UGT2B4: variants seen among roughly 807,000 people sequenced by gnomAD.
UGT2B4 encodes the protein UDP-glucuronosyltransferase 2B4.
A neutral mutation model predicts 49.8 loss-of-function variants in UGT2B4; 49 were observed. The observed-to-expected ratio is 0.98, with a 90% confidence interval of 0.78 to 1.25. The LOEUF is 1.25. Among genes scored for constraint, UGT2B4 ranks in the 50% most tolerant of loss-of-function variants. The pLI, the probability that UGT2B4 is intolerant of heterozygous loss-of-function variation, is 0.00. For missense variants in UGT2B4, 729 were observed against 627.7 expected (o/e 1.16, Z -1.73); for synonymous variants, 246 against 217.7 (o/e 1.13, Z -1.14).
chr4:69,494,445 T>A (rs1333755563), intron 1 of UGT2B4, among the ~76,000 whole-genome samples: 1 of 152,170 alleles, frequency 6.6e-6, no homozygotes, highest in Non-Finnish European at 1.5e-5. Flanking sequence ...AACAGAAATT[T>A]GCATTCAACC....
chr4:69,496,805 T>C (rs768228111), upstream of UGT2B4, among the ~76,000 whole-genome samples: 23 of 152,190 alleles, frequency 1.5e-4, no homozygotes, highest in Non-Finnish European at 3.1e-4. Flanking sequence ...GCTGGCTTAT[T>C]TTACTTAGCA....
chr4:69,525,014 T>C (rs1162267621), intron 1 of UGT2B4, among the ~76,000 whole-genome samples: 1 of 152,216 alleles, frequency 6.6e-6, no homozygotes, highest in Non-Finnish European at 1.5e-5. Context: ...GATTAAATTG[T>C]GTGCCAGAGA....
In UGT2B4 at chr4:69,485,079, T is replaced by C. The variant is rs1258269636; in HGVS notation, c.1310+129A>G. The C allele has an allele frequency of 2.6e-6, 3 of 1,163,084 alleles. No homozygotes were observed. The Admixed American group carries it at 8.6e-5, about 33-fold the overall frequency. The allele number at this position is 1,163,084 out of a possible 1,614,324, so 72.0% of individuals were successfully genotyped here. On this transcript the variant is annotated intron_variant, in intron 5 of 5. Transcript: ENST00000305107. Reference sequence around the variant, plus strand: ...ATAACCACTCAAAAATAAAAGCAGATTTCAGATTGTTTAAATCACTTAAAT... The same window carrying C: ...ATAACCACTCAAAAATAAAAGCAGACTTCAGATTGTTTAAATCACTTAAAT...
At position 69,485,111 on chromosome 4, in the gene UGT2B4, G is replaced by A. The variant is rs528474342; in HGVS notation, c.1310+97C>T. ...TTGTTTAAATCACTTAAATTCTTTC[G>A]AAATCAGTCGCTTATAAAAAGGATA... On this transcript the variant is annotated intron_variant, in intron 5 of 5. Coordinates refer to ENST00000305107, the MANE Select transcript of UGT2B4 (RefSeq NM_021139.3). 5.6e-4 allele frequency: 787 copies of A among 1,410,574 alleles called. No homozygotes were observed. The Middle Eastern group carries it at 6.5e-3, about 12-fold the overall frequency. 87.4% of individuals were successfully genotyped at this position (1,410,574 alleles called of 1,614,324 possible).
upstream of UGT2B4, among the ~76,000 whole-genome samples, chr4:69,498,426 T>C (rs371958153): frequency 2.0e-4 from 31 of 152,048 alleles, no homozygotes; most frequent in African/African-American, 6.3e-4. Context: ...GATACTTGCA[T>C]TGGGACTAAT....
chr4:69,511,914 A>G (rs1467577968), intron 1 of UGT2B4, among the ~76,000 whole-genome samples: 4 of 151,928 alleles, frequency 2.6e-5, no homozygotes. Flanking sequence ...GAATATATCA[A>G]TTTCTTCTAC....
chr4:69,487,705 C>T (rs1209760042), intron 3 of UGT2B4, among the ~76,000 whole-genome samples: 1 of 151,956 alleles, frequency 6.6e-6, no homozygotes, highest in Non-Finnish European at 1.5e-5. Flanking sequence ...ATAAGTTTAC[C>T]TGTGTAACAA....
chr4:69,509,370 C>T (rs1728553530), intron 1 of UGT2B4, among the ~76,000 whole-genome samples: 1 of 152,062 alleles, frequency 6.6e-6, no homozygotes, highest in Admixed American at 6.5e-5. Flanking sequence ...ATGGGGTTCA[C>T]CATGTGGAAG....
chr4:69,483,092 T>A (rs1423266698), intron 5 of UGT2B4, among the ~76,000 whole-genome samples: 1 of 152,180 alleles, frequency 6.6e-6, no homozygotes, highest in Non-Finnish European at 1.5e-5. Flanking sequence ...GAGAGTGGAA[T>A]TGTTGAAATA....
intron 1 of UGT2B4, 131 bp downstream of exon 1, chr4:69,495,010 T>G: frequency 1.2e-6 from 1 of 843,056 alleles, no homozygotes; most frequent in East Asian, 2.9e-5. Flanking sequence ...TGGTAGATCA[T>G]CTTACAATTT....
intron 1 of UGT2B4, 149 bp from the exon 2 acceptor site, chr4:69,493,990 T>G: frequency 1.2e-6 from 1 of 860,178 alleles, no homozygotes. Flanking sequence ...ATAGGCATAA[T>G]TTAATTTTTA....
chr4:69,486,403 C>T (rs1337502292), intron 4 of UGT2B4, among the ~76,000 whole-genome samples: 3 of 152,074 alleles, frequency 2.0e-5, no homozygotes, highest in Non-Finnish European at 1.5e-5. Context: ...GATACTCTGA[C>T]TCTGATTGTA....
At chr4:69,511,009 A>C (rs1200300672) in intron 1 of UGT2B4, among the ~76,000 whole-genome samples, 1 of 79,360 alleles carries the variant, frequency 1.3e-5, no homozygotes. Context: ...TTTTTTTTTG[A>C]GACAGTCTCG....
At chr4:69,511,837 T>C (rs1316145178) in intron 1 of UGT2B4, among the ~76,000 whole-genome samples, 1 of 152,128 alleles carries the variant, frequency 6.6e-6, no homozygotes, top group Non-Finnish European at 1.5e-5. Flanking sequence ...ATCTCCTTAT[T>C]CATTATTGTT....
rs370531105 is a variant in UGT2B4 at position 69,495,328 on chromosome 4, G to A, written c.534C>T (p.Tyr178=). ...FVYSLRFSPG[Y]AIEKHSGGLL... Reference sequence around the variant, plus strand: ...GTCCTCCACTATGCTTTTCAATTGCGTAGCCAGGAGAGAAGCGGAGGCTGT... The same window carrying A: ...GTCCTCCACTATGCTTTTCAATTGCATAGCCAGGAGAGAAGCGGAGGCTGT... Residue 178 remains tyrosine, a synonymous_variant, in exon 1 of 6, where the codon TAC becomes TAT. Transcript: ENST00000305107. The A allele has an allele frequency of 1.9e-5, 30 of 1,612,686 alleles. No homozygotes were observed. The highest frequency in any genetic ancestry group is 5.0e-5 in the Admixed American group (3 of 59,710).
At chr4:69,513,823 C>CT (rs1728665993) in intron 1 of UGT2B4, among the ~76,000 whole-genome samples, 2 of 152,008 alleles carry the variant, frequency 1.3e-5, no homozygotes, top group South Asian at 2.1e-4. Flanking sequence ...GTATTTTATT[C>CT]TTTTTTGTGG....
At chr4:69,519,281 C>A (rs771928728) in intron 1 of UGT2B4, among the ~76,000 whole-genome samples, 1 of 151,968 alleles carries the variant, frequency 6.6e-6, no homozygotes, top group Non-Finnish European at 1.5e-5. Context: ...TTTAAAATGA[C>A]AAAAAGATTA....
At chr4:69,500,606 G>GCAAGAAAGCAAGAAAGC (rs1553896493), upstream of UGT2B4, among the ~76,000 whole-genome samples, 2,896 of 99,528 alleles carry the variant, frequency 0.029, 109 homozygotes, top group Middle Eastern at 0.031. Flanking sequence ...AGAAAGCAAG[G>GCAAGAAAGCAAGAAAGC]AAGAAAGAAA....
upstream of UGT2B4, among the ~76,000 whole-genome samples, chr4:69,499,447 A>T (rs539227139): frequency 6.6e-6 from 1 of 152,254 alleles, no homozygotes; most frequent in South Asian, 2.1e-4. Flanking sequence ...ACTCTGTCTA[A>T]TATTGACAGT....
Sources: gnomAD v4.1 joint callset for allele counts (sites outside exome capture counted in the v4.1 genomes callset) on GRCh38, gnomAD v4.1.1 for gene constraint, MANE v1.5 for transcripts, NCBI Gene and HGNC (gene_info 2026-07-23, HGNC 2026-07-21) for gene names.